Variants in MEGF6 observed in about 807,000 individuals in gnomAD.
MEGF6 encodes the protein multiple epidermal growth factor-like domains protein 6.
A neutral mutation model predicts 207.1 loss-of-function variants in MEGF6; 184 were observed. The ratio of observed to expected loss-of-function variants is 0.89; its 90% CI spans 0.79 to 1.00. The LOEUF (loss-of-function observed/expected upper bound fraction) is 1.00. Among genes scored for constraint, MEGF6 ranks in the 50% least tolerant of loss-of-function variants. The pLI, the probability that MEGF6 is intolerant of heterozygous loss-of-function variation, is 0.00. For missense variants in MEGF6, 2,282 were observed against 2,202.9 expected (o/e 1.04, Z -0.72); for synonymous variants, 1,038 against 910.0 (o/e 1.14, Z -2.53).
chr1:3,580,768 G>A (rs1167762178), intron 3 of MEGF6, among the ~76,000 whole-genome samples: 1 of 151,886 alleles, frequency 6.6e-6, no homozygotes, highest in Non-Finnish European at 1.5e-5. Flanking sequence ...GGGCCAGGGT[G>A]GGTGGGCTGC....
Position 3,596,442 on chromosome 1 carries a change from C to T in MEGF6, c.267-995G>A, listed in dbSNP as rs1055617256. Among the ~76,000 whole-genome samples, 301 of 141,928 alleles carry T rather than the reference C, an allele frequency of 2.1e-3. 6 individuals are homozygous for T. Among genetic ancestry groups the T allele is most frequent in the Non-Finnish European group, 4.0e-3 (256 of 63,400 alleles). 93.1% of individuals were successfully genotyped at this position (141,928 alleles called of 152,430 possible). ...AGCCCGGCCACCTCAGGGCACCCTG[C>T]GCCATCCCCTGCCAAGCCCCCATCT... is the stretch of plus-strand genomic sequence containing the variant. On this transcript the variant is annotated intron_variant, in intron 2 of 36. Coordinates refer to ENST00000356575, the MANE Select transcript of MEGF6 (RefSeq NM_001409.4).
chr1:3,510,923 G>A, intron 9 of MEGF6, 21 bp from the exon 10 acceptor site: 1 of 1,587,186 alleles, frequency 6.3e-7, no homozygotes, highest in Admixed American at 1.7e-5. Flanking sequence ...CACGCCACGG[G>A]CCCCCTGGTA....
chr1:3,490,835 A>G, intron 36 of MEGF6, 77 bp downstream of exon 36: 1 of 1,512,300 alleles, frequency 6.6e-7, no homozygotes, highest in Non-Finnish European at 9.0e-7. Context: ...GGCCCAGATT[A>G]TACTTAAGCA....
At chr1:3,554,766 T>C (rs1642986094) in intron 4 of MEGF6, among the ~76,000 whole-genome samples, 1 of 152,200 alleles carries the variant, frequency 6.6e-6, no homozygotes, top group Admixed American at 6.5e-5. Flanking sequence ...AGGGTCCACC[T>C]GGGCAACCCA....
intron 2 of MEGF6, among the ~76,000 whole-genome samples, chr1:3,601,197 G>A (rs543113571): frequency 1.3e-5 from 2 of 152,306 alleles, no homozygotes; most frequent in African/African-American, 4.8e-5. Flanking sequence ...TCCTCAGCCC[G>A]GCCACCAGCA....
chr1:3,542,182 G>A (rs914943374), intron 4 of MEGF6, among the ~76,000 whole-genome samples: 7 of 152,220 alleles, frequency 4.6e-5, no homozygotes, highest in Non-Finnish European at 5.9e-5. Flanking sequence ...GCTGAATCCA[G>A]CCCCAGTGTG....
chr1:3,515,655 C>G (rs562575375), intron 5 of MEGF6, 128 bp from the exon 6 acceptor site: 2 of 1,123,670 alleles, frequency 1.8e-6, no homozygotes, highest in East Asian at 2.6e-5. Flanking sequence ...CCAGCCACTC[C>G]GAGCCCCTCC....
chr1:3,581,245 CT>C (rs1643789970), intron 3 of MEGF6, among the ~76,000 whole-genome samples: 1 of 152,144 alleles, frequency 6.6e-6, no homozygotes, highest in Non-Finnish European at 1.5e-5. Flanking sequence ...ACACGGGTCC[CT>C]GTGAATGCTT....
rs146606053 is a variant in MEGF6 at position 3,590,594 on chromosome 1, AC to A, written c.376+4743del. On this transcript the variant is annotated intron_variant, in intron 3 of 36. Coordinates refer to ENST00000356575, the MANE Select transcript of MEGF6 (RefSeq NM_001409.4). ...GGGCGTTAGCCTACTCCTCGCTCCT[AC>A]ACAAACACGGCAGGGCTCCCAGGCC... Among the ~76,000 whole-genome samples, 559 of 152,290 alleles carry A rather than the reference AC, an allele frequency of 3.7e-3. 4 individuals carry two copies. Among genetic ancestry groups the A allele is most frequent in the African/African-American group, 0.012 (514 of 41,560 alleles).
rs761813946 is a variant in MEGF6 at position 3,499,695 on chromosome 1, C to T, written c.2858G>A (p.Gly953Glu). Residue 953 changes from glycine to glutamate, a missense_variant, in exon 23 of 37, where the codon GGA (glycine) becomes GAA (glutamate). Coordinates refer to ENST00000356575, the MANE Select transcript of MEGF6 (RefSeq NM_001409.4). Reference protein sequence around the residue: ...CEHACPAGFFGLDCRSACNCT... With the variant: ...CEHACPAGFFELDCRSACNCT... ...GTTGCAGGCACTGCGACAGTCCAAT[C>T]CAAAGAAGCCGGCCGGGCAGGCTGC... 19 of 1,603,578 alleles carry T rather than the reference C, an allele frequency of 1.2e-5. No individual in the cohort carries two copies. In the South Asian group the frequency reaches 1.2e-4, roughly 10 times the overall value.
In MEGF6 at chr1:3,561,586, T is replaced by C. The variant is rs530769095; in HGVS notation, c.481+18239A>G. Among the ~76,000 whole-genome samples the C allele has an allele frequency of 3.9e-5, 6 of 152,168 alleles. No individual in the cohort carries two copies. In the East Asian group the frequency reaches 5.8e-4, roughly 15 times the overall value. Reference sequence around the variant, plus strand: ...GACAGAGTCACAGACCCGGGGGAGCTTGTGGGAGGCCCAGGAGCCAGGTCT... The same window carrying C: ...GACAGAGTCACAGACCCGGGGGAGCCTGTGGGAGGCCCAGGAGCCAGGTCT... On this transcript the variant is annotated intron_variant, in intron 4 of 36. Coordinates refer to ENST00000356575, the MANE Select transcript of MEGF6 (RefSeq NM_001409.4).
At chr1:3,564,535 A>ATGG (rs1404232723) in intron 4 of MEGF6, among the ~76,000 whole-genome samples, 138 of 152,114 alleles carry the variant, frequency 9.1e-4, no homozygotes, top group African/African-American at 2.0e-3. Flanking sequence ...TCCTGTGCCC[A>ATGG]GCACTGGCCT....
chr1:3,543,915 G>GGT (rs1642613896), intron 4 of MEGF6, among the ~76,000 whole-genome samples: 2 of 152,196 alleles, frequency 1.3e-5, no homozygotes, highest in African/African-American at 2.4e-5. Flanking sequence ...CCCAGCCCGC[G>GGT]TCAGCCCTGG....
At chr1:3,515,313 T>TTCCACCCCAAGTGGAAGTGG in intron 6 of MEGF6, 89 bp downstream of exon 6, 1 of 1,474,212 alleles carries the variant, frequency 6.8e-7, no homozygotes, top group Non-Finnish European at 9.1e-7. Flanking sequence ...GGGGGCCTCC[T>TTCCACCCCAAGTGGAAGTGG]GAAGACCCAC....
chr1:3,511,607 G>T lies in MEGF6; in HGVS notation c.1057C>A (p.Pro353Thr), dbSNP rs570381802. 1 of 1,612,442 alleles carries T rather than the reference G, an allele frequency of 6.2e-7. No homozygotes were observed. Among genetic ancestry groups the T allele is most frequent in the South Asian group, 1.1e-5 (1 of 91,070 alleles). ...SHGCSHTSAG[P>T]LCTCPRGYEL... ...TAGCCGCGGGGACATGTGCACAGGG[G>T]CCCAGCACTGGTGTGGCTGCAGCCA... is the stretch of plus-strand genomic sequence containing the variant. Residue 353 changes from proline (P) to threonine (T), a missense_variant, in exon 9 of 37, where the codon CCC (proline) becomes ACC (threonine). By Grantham distance (38) the Pro-to-Thr change is conservative. Transcript: ENST00000356575.
At chr1:3,569,057 G>A (rs1188637077) in intron 4 of MEGF6, among the ~76,000 whole-genome samples, 1 of 152,216 alleles carries the variant, frequency 6.6e-6, no homozygotes, top group Non-Finnish European at 1.5e-5. Flanking sequence ...CCAGAGGCCA[G>A]GGCACAACCC....
intron 17 of MEGF6, 22 bp from the exon 18 acceptor site, chr1:3,501,943 G>T: frequency 6.9e-7 from 1 of 1,458,590 alleles, no homozygotes; most frequent in Non-Finnish European, 9.1e-7. Flanking sequence ...AGCACGAGGG[G>T]CCTTAGCCGC....
chr1:3,606,852 A>G (rs1159894581), intron 1 of MEGF6, among the ~76,000 whole-genome samples: 1 of 152,140 alleles, frequency 6.6e-6, no homozygotes, highest in Non-Finnish European at 1.5e-5. Context: ...TGACTCTGTG[A>G]TGGCCCCTGT....
chr1:3,559,834 ACCC>A (rs200230955), intron 4 of MEGF6, among the ~76,000 whole-genome samples: 3,734 of 152,118 alleles, frequency 0.025, 172 homozygotes, highest in African/African-American at 0.085. Flanking sequence ...ACATGGTGAA[ACCC>A]CATCTCTACT....
Sources: allele counts gnomAD v4.1 joint callset (sites outside exome capture counted in the v4.1 genomes callset), GRCh38; gene constraint gnomAD v4.1.1; transcripts MANE v1.5; gene names NCBI Gene and HGNC (gene_info 2026-07-23, HGNC 2026-07-21).